Variants in COL14A1 observed in about 807,000 individuals in gnomAD.
COL14A1 encodes collagen type XIV alpha 1 chain.
In COL14A1, 136 loss-of-function variants were observed where a neutral mutation model predicts 230.3. The observed-to-expected ratio is 0.59, with a 90% CI of 0.51 to 0.68. The LOEUF (loss-of-function observed/expected upper bound fraction) is 0.68. Ranked by LOEUF, COL14A1 falls within the 30% of genes least tolerant of loss-of-function variation. The probability of loss-of-function intolerance (pLI) is 0.00; values close to 1 mark genes in which losing one functional copy is unlikely to be tolerated. For synonymous variants in COL14A1, 792 were observed against 784.1 expected (o/e 1.01, Z -0.17); for missense variants, 1,976 against 2,215.8 (o/e 0.89, Z 2.17).
intron 22 of COL14A1, among the ~76,000 whole-genome samples, chr8:120,253,754 T>C (rs1469830088): frequency 6.6e-6 from 1 of 152,014 alleles, no homozygotes; most frequent in Non-Finnish European, 1.5e-5. Context: ...TGAAACCCTG[T>C]CTCTACTAAA....
Position 120,247,676 on chromosome 8 carries a change from C to T in COL14A1, c.2543C>T (p.Thr848Met), listed in dbSNP as rs369592872. The change falls in exon 21 of 48, where the codon ACG (threonine) becomes ATG (methionine). Residue 848 changes from threonine (T) to methionine (M), a missense_variant. By Grantham distance (81) the Thr-to-Met change is moderately conservative. Transcript: ENST00000297848. ...GAATGGTATAACCGGTTGCGCATTA[C>T]GTGGGACCCCCCATCTTCCCCGGTG... ...SEEWYNRLRITWDPPSSPVKG... is the reference protein window; with the variant it reads ...SEEWYNRLRIMWDPPSSPVKG... 13 of 1,613,996 alleles carry T rather than the reference C, an allele frequency of 8.1e-6. No homozygotes were observed. The highest frequency in any genetic ancestry group is 1.6e-4 in the Middle Eastern group (1 of 6,080).
chr8:120,270,054 T>C lies in COL14A1; in HGVS notation c.3093T>C (p.Ala1031=). 4 of 1,611,378 alleles carry C rather than the reference T, an allele frequency of 2.5e-6. No homozygotes were observed. The highest frequency in any genetic ancestry group is 3.4e-6 in the Non-Finnish European group (4 of 1,178,206). ...CTTCAGTATGTAAGGCGGCCAAGGC[T>C]GACCTGGTATTTATGGTGGATGGAT... ...PAKEVCKAAK[A]DLVFMVDGSW... Residue 1031 remains alanine (A), a synonymous_variant, in exon 26 of 48, where the codon GCT becomes GCC. Coordinates refer to ENST00000297848, the MANE Select transcript of COL14A1 (RefSeq NM_021110.4).
At chr8:120,321,676 T>C (rs1187455423) in intron 40 of COL14A1, among the ~76,000 whole-genome samples, 2 of 152,090 alleles carry the variant, frequency 1.3e-5, no homozygotes, top group African/African-American at 2.4e-5. Context: ...GAAATTGTCT[T>C]TATCTGGGAC....
intron 34 of COL14A1, among the ~76,000 whole-genome samples, chr8:120,297,243 A>C (rs1820556668): frequency 6.6e-6 from 1 of 151,952 alleles, no homozygotes; most frequent in African/African-American, 2.4e-5. Context: ...CAGAGGAGCT[A>C]AGCTTACTCT....
At chr8:120,241,938 G>A (rs1284594705) in intron 19 of COL14A1, among the ~76,000 whole-genome samples, 1 of 152,132 alleles carries the variant, frequency 6.6e-6, no homozygotes, top group African/African-American at 2.4e-5. Context: ...TTCAAAATCT[G>A]AAATGCTCCA....
At chr8:120,322,715 A>G (rs146407326) in intron 40 of COL14A1, among the ~76,000 whole-genome samples, 8 of 138,596 alleles carry the variant, frequency 5.8e-5, no homozygotes, top group African/African-American at 2.1e-4. Flanking sequence ...TGTCCTTGCA[A>G]AGGACATGTT....
chr8:120,189,006 C>T (rs1203792228), intron 5 of COL14A1, among the ~76,000 whole-genome samples: 1 of 152,060 alleles, frequency 6.6e-6, no homozygotes, highest in African/African-American at 2.4e-5. Flanking sequence ...ATGTGTTTGC[C>T]AGTGGAGAGT....
intron 36 of COL14A1, among the ~76,000 whole-genome samples, chr8:120,302,263 G>T (rs1820736615): frequency 6.6e-6 from 1 of 152,092 alleles, no homozygotes; most frequent in African/African-American, 2.4e-5. Flanking sequence ...GTAAATTTTT[G>T]CTTTTGTTGT....
intron 40 of COL14A1, among the ~76,000 whole-genome samples, chr8:120,322,019 G>C (rs1237801378): frequency 1.3e-5 from 2 of 151,204 alleles, no homozygotes; most frequent in African/African-American, 4.8e-5. Context: ...ATTTTTTTTT[G>C]TTTTAATTCA....
chr8:120,161,628 G>A (rs1235529474), intron 3 of COL14A1, among the ~76,000 whole-genome samples: 1 of 152,076 alleles, frequency 6.6e-6, no homozygotes, highest in Non-Finnish European at 1.5e-5. Flanking sequence ...AAAAATTCCA[G>A]TGTAAATAAT....
chr8:120,265,787 T>A (rs989957136), intron 24 of COL14A1, among the ~76,000 whole-genome samples: 1 of 152,052 alleles, frequency 6.6e-6, no homozygotes, highest in Non-Finnish European at 1.5e-5. Context: ...ATTCTTTTAA[T>A]GTTGAATCCT....
rs1314754871 is a variant in COL14A1 at position 120,278,235 on chromosome 8, G to T, written c.3337+1G>T. On this transcript the variant is annotated splice_donor_variant, in intron 27 of 47. Coordinates refer to ENST00000297848, the MANE Select transcript of COL14A1 (RefSeq NM_021110.4). LOFTEE classifies it high-confidence loss of function. ...TACAAAGGAGGAAATACAAAAACAG[G>T]TATGACCAAAAGAAGCCCAGCTAAG... 6.2e-7 allele frequency: 1 copy of T among 1,602,860 alleles called. No individual in the cohort carries two copies. Among genetic ancestry groups the T allele is most frequent in the Non-Finnish European group, 8.5e-7 (1 of 1,176,322 alleles).
intron 45 of COL14A1, among the ~76,000 whole-genome samples, chr8:120,355,506 G>A (rs975286531): frequency 1.6e-4 from 24 of 151,052 alleles, no homozygotes; most frequent in African/African-American, 3.4e-4. Flanking sequence ...TCCGCCCCCC[G>A]GGTTCAAGCA....
At chr8:120,340,618 A>C (rs1362901444) in intron 42 of COL14A1, among the ~76,000 whole-genome samples, 1 of 152,222 alleles carries the variant, frequency 6.6e-6, no homozygotes, top group East Asian at 1.9e-4. Context: ...CGTGTTTTGC[A>C]TTAGATGTAT....
chr8:120,218,592 G>C (rs1440641802), intron 14 of COL14A1, among the ~76,000 whole-genome samples: 1 of 152,154 alleles, frequency 6.6e-6, no homozygotes, highest in Non-Finnish European at 1.5e-5. Context: ...TTACAGGCGT[G>C]AACCACTGCT....
intron 14 of COL14A1, among the ~76,000 whole-genome samples, chr8:120,219,397 C>T (rs1471679298): frequency 1.3e-5 from 2 of 152,172 alleles, no homozygotes; most frequent in East Asian, 3.8e-4. Flanking sequence ...AGGCACTGTG[C>T]CCAGCTTGGG....
chr8:120,278,419 C>T lies in COL14A1; in HGVS notation c.3338-16C>T, dbSNP rs750348170. On this transcript the variant is annotated splice_polypyrimidine_tract_variant and intron_variant, in intron 27 of 47. Transcript: ENST00000297848. ...GGGAGGGAGTGAAATCAAACTGTTGCCTTTCTTTGTTTCAGGAAAAGCAAT... is the reference window on the plus strand; with the variant it reads ...GGGAGGGAGTGAAATCAAACTGTTGTCTTTCTTTGTTTCAGGAAAAGCAAT... 1 of 1,604,650 alleles carries T rather than the reference C, an allele frequency of 6.2e-7. No homozygotes were observed. The highest frequency in any genetic ancestry group is 8.5e-7 in the Non-Finnish European group (1 of 1,175,220).
At chr8:120,224,304 G>T (rs1818028488) in intron 14 of COL14A1, among the ~76,000 whole-genome samples, 1 of 152,034 alleles carries the variant, frequency 6.6e-6, no homozygotes, top group Admixed American at 6.6e-5. Flanking sequence ...TGGGATTGCA[G>T]GCGTGTAATC....
At chr8:120,275,788 C>G (rs1010801628) in intron 26 of COL14A1, among the ~76,000 whole-genome samples, 1 of 151,906 alleles carries the variant, frequency 6.6e-6, no homozygotes, top group African/African-American at 2.4e-5. Context: ...GAGATACCTC[C>G]TTGCCCCTGT....
Sources: allele counts gnomAD v4.1 joint callset (sites outside exome capture counted in the v4.1 genomes callset), GRCh38; gene constraint gnomAD v4.1.1; transcripts MANE v1.5; gene names NCBI Gene and HGNC (gene_info 2026-07-23, HGNC 2026-07-21).